Variants in UTRN observed in about 807,000 individuals in gnomAD.
UTRN encodes the protein dystrophin-related protein 1.
Under a neutral mutation model 463.9 loss-of-function variants are expected in UTRN, and 283 were observed. The observed-to-expected ratio is 0.61, with a 90% confidence interval of 0.55 to 0.67. The LOEUF is 0.67. Ranked by LOEUF, UTRN falls within the 30% of genes least tolerant of loss-of-function variation. The probability of loss-of-function intolerance (pLI) is 0.00; values close to 1 mark genes in which losing one functional copy is unlikely to be tolerated. For synonymous variants in UTRN, 1,442 were observed against 1,431.5 expected (o/e 1.01, Z -0.17); for missense variants, 3,922 against 4,084.3 (o/e 0.96, Z 1.08).
chr6:144,376,867 T>G (rs1334467370), intron 2 of UTRN, among the ~76,000 whole-genome samples: 1 of 152,250 alleles, frequency 6.6e-6, no homozygotes, highest in African/African-American at 2.4e-5. Context: ...TTACTTGGTT[T>G]ATAGAAATGA....
intron 23 of UTRN, among the ~76,000 whole-genome samples, chr6:144,470,650 C>T (rs987238920): frequency 3.3e-5 from 5 of 152,112 alleles, no homozygotes; most frequent in African/African-American, 4.8e-5. Context: ...GCTGCAATCT[C>T]GGCACTTTGG....
At position 144,516,276 on chromosome 6, in the gene UTRN, A is replaced by G; in HGVS notation, c.5292A>G (p.Glu1764=). ...TATACCAATGTTTGGTCACCACTGA[A>G]ACATTTGAAACTGGTGTGCCTTTCT... The part of the protein sequence containing the change: ...EPLYQCLVTT[E]TFETGVPFSD... The change falls in exon 38 of 75, where the codon GAA becomes GAG. Residue 1764 remains glutamate, a synonymous_variant. Coordinates refer to ENST00000367545, the MANE Select transcript of UTRN (RefSeq NM_007124.3). 1 of 1,613,914 alleles carries G rather than the reference A, an allele frequency of 6.2e-7. No homozygotes were observed. Among genetic ancestry groups the G allele is most frequent in the African/African-American group, 1.3e-5 (1 of 75,054 alleles).
intron 61 of UTRN, among the ~76,000 whole-genome samples, chr6:144,783,682 A>T (rs576251949): frequency 3.6e-4 from 55 of 152,214 alleles, no homozygotes; most frequent in African/African-American, 1.3e-3. Flanking sequence ...TATTCCCCCT[A>T]CCTATATGTA....
chr6:144,725,950 C>T (rs1787830996), intron 53 of UTRN, among the ~76,000 whole-genome samples: 1 of 152,156 alleles, frequency 6.6e-6, no homozygotes, highest in Admixed American at 6.5e-5. Flanking sequence ...GGCTTGCCTC[C>T]TGTACTTCCC....
intron 39 of UTRN, among the ~76,000 whole-genome samples, chr6:144,521,123 T>C (rs1381098250): frequency 6.6e-6 from 1 of 152,040 alleles, no homozygotes; most frequent in Non-Finnish European, 1.5e-5. Context: ...CCATCTCTAC[T>C]AAATATATAA....
rs116897744 is a variant in UTRN at position 144,589,080 on chromosome 6, A to G, written c.7479+11792A>G. 1.6e-3 allele frequency among the ~76,000 whole-genome samples: 246 copies of G among 152,376 alleles called. 2 individuals carry two copies. The East Asian group carries it at 0.029, about 18-fold the overall frequency. ...AGCAGACAGTGCCTTTTAGTGCTTA[A>G]TAAATAATAGGCTTATGTGAAAGTA... On this transcript the variant is annotated intron_variant, in intron 51 of 74. Coordinates refer to ENST00000367545, the MANE Select transcript of UTRN (RefSeq NM_007124.3).
intron 51 of UTRN, among the ~76,000 whole-genome samples, chr6:144,584,059 CA>C (rs1194792324): frequency 1.3e-5 from 2 of 152,150 alleles, no homozygotes; most frequent in African/African-American, 2.4e-5. Flanking sequence ...AATTAAAAGA[CA>C]TTTTAAAAAA....
intron 2 of UTRN, among the ~76,000 whole-genome samples, chr6:144,367,172 A>G (rs1458940651): frequency 6.6e-6 from 1 of 151,994 alleles, no homozygotes; most frequent in African/African-American, 2.4e-5. Flanking sequence ...TTTAGTAGAG[A>G]TGGGGTTTCA....
chr6:144,348,572 A>G (rs1190490715), intron 2 of UTRN, among the ~76,000 whole-genome samples: 1 of 152,250 alleles, frequency 6.6e-6, no homozygotes, highest in Admixed American at 6.5e-5. Flanking sequence ...CCAGGTAACT[A>G]TAACTTACAG....
At chr6:144,370,910 A>C (rs896893175) in intron 2 of UTRN, among the ~76,000 whole-genome samples, 9 of 152,152 alleles carry the variant, frequency 5.9e-5, no homozygotes, top group Admixed American at 4.6e-4. Context: ...GAAAATCAAG[A>C]TCAAGTGAGC....
At chr6:144,666,520 A>G (rs1002939862) in intron 51 of UTRN, among the ~76,000 whole-genome samples, 7 of 152,350 alleles carry the variant, frequency 4.6e-5, no homozygotes, top group Admixed American at 2.0e-4. Context: ...TACTCTGTTT[A>G]CATTAGGATC....
Position 144,448,771 on chromosome 6 carries a change from T to A in UTRN, c.2072+2T>A, listed in dbSNP as rs200310952. On this transcript the variant is annotated splice_donor_variant, in intron 17 of 74. Transcript: ENST00000367545. LOFTEE classifies it high-confidence loss of function. ...TGTGGATATTGAAGCTAAGAAAAAG[T>A]GAGAAGAGATAGAGAAATTGTTCAA... 2 of 1,612,816 alleles carry A rather than the reference T, an allele frequency of 1.2e-6. No homozygotes were observed. Among genetic ancestry groups the A allele is most frequent in the Non-Finnish European group, 1.7e-6 (2 of 1,179,534 alleles).
intron 3 of UTRN, among the ~76,000 whole-genome samples, chr6:144,419,140 C>T (rs1436558522): frequency 6.6e-6 from 1 of 152,248 alleles, no homozygotes. Context: ...ACGAAGGCCA[C>T]TTCTGCCCAT....
At chr6:144,544,702 G>GAA (rs35142302) in intron 46 of UTRN, among the ~76,000 whole-genome samples, 5 of 147,116 alleles carry the variant, frequency 3.4e-5, no homozygotes, top group South Asian at 2.1e-4. Flanking sequence ...ATTTTCAAAA[G>GAA]AAAAAAAAAA....
chr6:144,490,274 T>C, intron 31 of UTRN, 75 bp downstream of exon 31: 1 of 1,541,932 alleles, frequency 6.5e-7, no homozygotes, highest in South Asian at 1.2e-5. Flanking sequence ...AAGAATTGAT[T>C]ACTTGGGCAC....
intron 2 of UTRN, among the ~76,000 whole-genome samples, chr6:144,322,926 G>C (rs1775754880): frequency 6.7e-6 from 1 of 148,856 alleles, no homozygotes; most frequent in Non-Finnish European, 1.5e-5. Context: ...CTGGGTGACA[G>C]AGTGAGACTC....
intron 46 of UTRN, among the ~76,000 whole-genome samples, chr6:144,547,145 G>A (rs1479917695): frequency 6.6e-6 from 1 of 152,138 alleles, no homozygotes; most frequent in Non-Finnish European, 1.5e-5. Context: ...ATTTTAATTT[G>A]TACTATCTCA....
At chr6:144,757,721 C>T (rs1792168187) in intron 57 of UTRN, among the ~76,000 whole-genome samples, 1 of 152,046 alleles carries the variant, frequency 6.6e-6, no homozygotes, top group Non-Finnish European at 1.5e-5. Context: ...TGGCATTAGA[C>T]CTTGAACCTG....
At chr6:144,507,985 G>C (rs1383601129) in intron 34 of UTRN, among the ~76,000 whole-genome samples, 1 of 152,184 alleles carries the variant, frequency 6.6e-6, no homozygotes, top group Non-Finnish European at 1.5e-5. Flanking sequence ...GCTTTTCTGA[G>C]CTGTGGTGGG....
Sources: gnomAD v4.1 joint callset for allele counts (sites outside exome capture counted in the v4.1 genomes callset) on GRCh38, gnomAD v4.1.1 for gene constraint, MANE v1.5 for transcripts, NCBI Gene and HGNC (gene_info 2026-07-23, HGNC 2026-07-21) for gene names.